RPL39: variants seen among roughly 807,000 people sequenced by gnomAD.
The protein encoded by RPL39 is large ribosomal subunit protein eL39.
For synonymous variants in RPL39, 8 were observed against 11.4 expected, an observed-to-expected ratio of 0.70 and a Z score of 0.60; for missense variants, 6 against 37.2, an observed-to-expected ratio of 0.16 and a Z score of 2.18.
chrX:119,791,311 G>T, intron 1 of RPL39: 5 of 292,022 alleles, frequency 1.7e-5, no homozygotes, highest in South Asian at 2.1e-4. Context: ...CGGAATCCCT[G>T]CCCGACTCGG....
At chrX:119,787,762 C>T (rs1176459093) in intron 2 of RPL39, among the ~76,000 whole-genome samples, 1 of 110,852 alleles carries the variant, frequency 9.0e-6, no homozygotes, top group Admixed American at 9.7e-5. Context: ...AGTGATCCTC[C>T]CACTTCAGCC....
rs866641922 is a variant in RPL39, at chrX:119,788,708, G to A, written c.107+1200C>T. ...CTGCACTCAGCCTGGGTGAGAGAGCGACTGCTGAACCTTGGGCAACTCTTG... is the reference window on the plus strand; with the variant it reads ...CTGCACTCAGCCTGGGTGAGAGAGCAACTGCTGAACCTTGGGCAACTCTTG... On this transcript the variant is annotated intron_variant, in intron 2 of 2. Coordinates refer to ENST00000361575, the MANE Select transcript of RPL39 (RefSeq NM_001000.4). 4.5e-5 allele frequency among the ~76,000 whole-genome samples: 5 copies of A among 110,519 alleles called. No homozygotes were observed. The South Asian group carries it at 1.5e-3, about 33-fold the overall frequency.
intron 1 of RPL39, 170 bp from the exon 2 acceptor site, chrX:119,790,181 T>G (rs1008544618): frequency 1.0e-5 from 4 of 383,029 alleles, no homozygotes; most frequent in African/African-American, 1.0e-4. Context: ...ACAACTTCTC[T>G]GGGGGCAGAT....
intron 2 of RPL39, chrX:119,787,536 T>C (rs368479122): frequency 5.5e-6 from 2 of 361,263 alleles, no homozygotes. Flanking sequence ...AATCATTCCA[T>C]TGGGTCAATT....
intron 2 of RPL39, 69 bp from the exon 3 acceptor site, chrX:119,786,801 C>T: frequency 1.2e-6 from 1 of 851,477 alleles, no homozygotes; most frequent in Non-Finnish European, 1.7e-6. Flanking sequence ...ATTCACATAA[C>T]CTTTTAGGTA....
At chrX:119,791,376 T>C in intron 1 of RPL39, 198 bp downstream of exon 1, 1 of 325,146 alleles carries the variant, frequency 3.1e-6, no homozygotes, top group Non-Finnish European at 5.4e-6. Flanking sequence ...GCGCAGCCCG[T>C]CCCTCTCCAG....
At chrX:119,787,534 C>T (rs1202203732) in intron 2 of RPL39, 1 of 359,327 alleles carries the variant, frequency 2.8e-6, no homozygotes, top group Non-Finnish European at 5.4e-6. Context: ...AAAATCATTC[C>T]ATTGGGTCAA....
rs776722846 is a variant in RPL39 at position 119,791,335 on chromosome X, A to G, written c.3+239T>C. Reference sequence around the variant, plus strand: ...TGCCCGACTCGGCAGCGGCCGGGCAAAGAAAGAGCCCCCTTGAATCCGCGG... The same window carrying G: ...TGCCCGACTCGGCAGCGGCCGGGCAGAGAAAGAGCCCCCTTGAATCCGCGG... On this transcript the variant is annotated intron_variant, in intron 1 of 2. Transcript: ENST00000361575. 1.7e-4 allele frequency: 51 copies of G among 296,822 alleles called. No individual in the cohort carries two copies. The Middle Eastern group carries it at 2.2e-3, about 13-fold the overall frequency. The allele number at this position is 296,822 out of a possible 1,213,427, so 24.5% of individuals were successfully genotyped here.
intron 2 of RPL39, among the ~76,000 whole-genome samples, chrX:119,788,813 G>A (rs2055682581): frequency 1.8e-5 from 2 of 112,186 alleles, no homozygotes; most frequent in African/African-American, 3.2e-5. Context: ...AGCCATGCAG[G>A]AGACTGTTTC....
At chrX:119,788,931 T>G (rs1341240049) in intron 2 of RPL39, among the ~76,000 whole-genome samples, 1 of 111,849 alleles carries the variant, frequency 8.9e-6, no homozygotes, top group Non-Finnish European at 1.9e-5. Context: ...AGAGGACAGT[T>G]TTCCAATCTT....
rs182903903 is a variant in RPL39, at chrX:119,787,641, G to A, written c.108-909C>T. On this transcript the variant is annotated intron_variant, in intron 2 of 2. Coordinates refer to ENST00000361575, the MANE Select transcript of RPL39 (RefSeq NM_001000.4). ...TAGCAGGTTATTTATTGAACTAGGC[G>A]TTGAGTTTTACATACATTTTTCTTT... is the stretch of plus-strand genomic sequence containing the variant. Among the ~76,000 whole-genome samples, 59 of 111,151 alleles carry A rather than the reference G, an allele frequency of 5.3e-4. 1 individual carries two copies. In the Admixed American group the frequency reaches 5.6e-3, roughly 11 times the overall value.
intron 2 of RPL39, among the ~76,000 whole-genome samples, chrX:119,788,856 A>G (rs1027908734): frequency 3.6e-5 from 4 of 112,340 alleles, no homozygotes; most frequent in Non-Finnish European, 5.6e-5. Flanking sequence ...AGTCTAGATG[A>G]CCTTGGAGGT....
intron 1 of RPL39, 191 bp from the exon 2 acceptor site, chrX:119,790,202 C>A (rs1453240500): frequency 1.4e-5 from 5 of 368,089 alleles, no homozygotes; most frequent in Non-Finnish European, 2.4e-5. Context: ...ACCACAGTTT[C>A]CATCGTTCAG....
rs1442321882 is a variant in RPL39, at chrX:119,791,395, C to T, written c.3+179G>A. Reference sequence around the variant, plus strand: ...AGCCCGTCCCTCTCCAGGTTGCTCGCTGGCTCACTAGCTTCCCTCCAGGCC... The same window carrying T: ...AGCCCGTCCCTCTCCAGGTTGCTCGTTGGCTCACTAGCTTCCCTCCAGGCC... On this transcript the variant is annotated intron_variant, in intron 1 of 2. Transcript: ENST00000361575. 6 of 371,356 alleles carry T rather than the reference C, an allele frequency of 1.6e-5. No homozygotes were observed. In the East Asian group the frequency reaches 1.9e-4, roughly 12 times the overall value. The allele number at this position is 371,356 out of a possible 1,213,427, so 30.6% of individuals were successfully genotyped here.
intron 2 of RPL39, among the ~76,000 whole-genome samples, chrX:119,788,184 G>A (rs1290154914): frequency 1.8e-5 from 2 of 111,732 alleles, no homozygotes; most frequent in Non-Finnish European, 3.8e-5. Context: ...GCCCTAAGAA[G>A]CCACCCCTTT....
intron 1 of RPL39, chrX:119,791,344 C>G (rs2055700154): frequency 3.3e-6 from 1 of 302,855 alleles, no homozygotes; most frequent in Non-Finnish European, 6.0e-6. Flanking sequence ...AAAGAAAGAG[C>G]CCCCTTGAAT....
chrX:119,791,402 A>T, intron 1 of RPL39, 172 bp downstream of exon 1: 2 of 394,633 alleles, frequency 5.1e-6, no homozygotes, highest in Non-Finnish European at 8.1e-6. Context: ...TCGCTGGCTC[A>T]CTAGCTTCCC....
At chrX:119,787,194 C>T in intron 2 of RPL39, 2 of 266,404 alleles carry the variant, frequency 7.5e-6, no homozygotes, top group Non-Finnish European at 1.4e-5. Context: ...ACCATGTTGG[C>T]CAGGCTGGTC....
At chrX:119,791,359 G>C in intron 1 of RPL39, 1 of 310,963 alleles carries the variant, frequency 3.2e-6, no homozygotes, top group Non-Finnish European at 5.8e-6. Context: ...TTGAATCCGC[G>C]GCCGCAGCGC....
Sources: allele counts gnomAD v4.1 joint callset (sites outside exome capture counted in the v4.1 genomes callset), GRCh38; gene constraint gnomAD v4.1.1; transcripts MANE v1.5; gene names NCBI Gene and HGNC (gene_info 2026-07-23, HGNC 2026-07-21).